C11orf68: variants seen among roughly 807,000 people sequenced by gnomAD.
C11orf68 encodes chromosome 11 open reading frame 68.
C11orf68 carries 3 observed loss-of-function variants against 4.7 expected under a neutral mutation model. The observed-to-expected ratio is 0.64, with a 90% confidence interval of 0.29 to 1.66. The LOEUF (loss-of-function observed/expected upper bound fraction) is 1.66. C11orf68 is among the 40% of genes most tolerant of loss of function. The pLI is 0.10. For synonymous variants in C11orf68, 186 were observed against 167.8 expected (o/e 1.11, Z -0.84); for missense variants, 422 against 408.0 (o/e 1.03, Z -0.30).
At chr11:65,918,338 C>T in intron 1 of C11orf68, 120 bp from the exon 2 acceptor site, 5 of 1,187,486 alleles carry the variant, frequency 4.2e-6, no homozygotes, top group East Asian at 2.7e-5. Flanking sequence ...CTCATCTTTA[C>T]AATGGGATAA....
Position 65,918,208 on chromosome 11 carries a change from G to C in C11orf68, c.133C>G (p.Pro45Ala), listed in dbSNP as rs1195550562. 3 of 1,524,980 alleles carry C rather than the reference G, an allele frequency of 2.0e-6. No individual in the cohort carries two copies. Among genetic ancestry groups the C allele is most frequent in the Non-Finnish European group, 2.6e-6 (3 of 1,139,608 alleles). The allele number at this position is 1,524,980 out of a possible 1,614,324, so 94.5% of individuals were successfully genotyped here. The change falls in exon 2 of 2, where the codon CCA (proline) becomes GCA (alanine). Residue 45 changes from proline to alanine, a missense_variant. Pro to Ala is a conservative substitution (Grantham distance 27, BLOSUM62 -1). Transcript: ENST00000438576. ...CCCTCCTCTTCCAGCTCCTCACCTG[G>C]TTCCATCCTGCTGTGAGGGAACCGA... ...ERSEGRSRME[P>A]GEELEEEGSP...
rs1406577649 is a variant in C11orf68 at position 65,917,501 on chromosome 11, G to C, written c.840C>G (p.Gly280=). The change falls in exon 2 of 2, where the codon GGC becomes GGG. Residue 280 remains glycine, a synonymous_variant. Coordinates refer to ENST00000438576, the MANE Select transcript of C11orf68 (RefSeq NM_001135635.2). ...SRFQLGGSAR[G]SRVLDRANNV... is the part of the protein sequence containing the mutation. ...TGTTGGCACGGTCAAGCACTCGGGA[G>C]CCACGGGCACTACCCCCAAGCTGGA... 1 of 1,613,838 alleles carries C rather than the reference G, an allele frequency of 6.2e-7. No homozygotes were observed. Among genetic ancestry groups the C allele is most frequent in the East Asian group, 2.2e-5 (1 of 44,876 alleles).
At position 65,918,978 on chromosome 11, in the gene C11orf68, G is replaced by A; in HGVS notation, c.54C>T (p.Gly18=). 2 of 1,177,056 alleles carry A rather than the reference G, an allele frequency of 1.7e-6. No individual in the cohort carries two copies. The highest frequency in any genetic ancestry group is 2.1e-6 in the Non-Finnish European group (2 of 955,768). 72.9% of individuals were successfully genotyped at this position (1,177,056 alleles called of 1,614,324 possible). The part of the protein sequence containing the change: ...AVAGVGRGGG[G]AEPRQERSRA... ...GGCTCCGCTCCTGCCGTGGCTCCGCGCCACCGCCACCGCGCCCCACCCCCG... is the reference window on the plus strand; with the variant it reads ...GGCTCCGCTCCTGCCGTGGCTCCGCACCACCGCCACCGCGCCCCACCCCCG... Residue 18 remains glycine, a synonymous_variant, in exon 1 of 2, where the codon GGC becomes GGT. Transcript: ENST00000438576.
chr11:65,918,316 C>G (rs1854489725), intron 1 of C11orf68, 98 bp from the exon 2 acceptor site: 1 of 1,336,686 alleles, frequency 7.5e-7, no homozygotes, highest in Non-Finnish European at 9.8e-7. Flanking sequence ...ACTGTCGATG[C>G]GCCTCAGTTG....
chr11:65,917,562 C>T lies in C11orf68; in HGVS notation c.779G>A (p.Arg260His), dbSNP rs756841686. ...YTYLGIYRAN[R>H]WHLCPTLYES... is the part of the protein sequence containing the mutation. The stretch of plus-strand genomic sequence containing the variant: ...ATAGAGAGTGGGGCAGAGGTGCCAG[C>T]GATTGGCCCGGTAGATGCCCAGGTA... Residue 260 changes from arginine to histidine, a missense_variant, in exon 2 of 2, where the codon CGC becomes CAC. By Grantham distance (29) the Arg-to-His change is conservative (BLOSUM62 0). Coordinates refer to ENST00000438576, the MANE Select transcript of C11orf68 (RefSeq NM_001135635.2). 1.9e-6 allele frequency: 3 copies of T among 1,614,064 alleles called. No individual in the cohort carries two copies. Among genetic ancestry groups the T allele is most frequent in the Non-Finnish European group, 1.7e-6 (2 of 1,180,024 alleles).
chr11:65,918,882 C>G (rs1266404355), intron 1 of C11orf68, 28 bp downstream of exon 1: 15 of 1,240,722 alleles, frequency 1.2e-5, no homozygotes, highest in Non-Finnish European at 1.5e-5. Context: ...CCCGGCCCTG[C>G]CCTGCCCCTC....
At chr11:65,918,321 C>T in intron 1 of C11orf68, 103 bp from the exon 2 acceptor site, 3 of 1,305,772 alleles carry the variant, frequency 2.3e-6, no homozygotes, top group Non-Finnish European at 3.0e-6. Context: ...CGATGCGCCT[C>T]AGTTGCCTCA....
intron 1 of C11orf68, 40 bp downstream of exon 1, chr11:65,918,870 G>GC: frequency 8.4e-7 from 1 of 1,188,540 alleles, no homozygotes; most frequent in Non-Finnish European, 1.0e-6. Flanking sequence ...CTGTGCTCCC[G>GC]CCCCGGCCCT....
chr11:65,917,550 C>G lies in C11orf68; in HGVS notation c.791G>C (p.Cys264Ser). The G allele has an allele frequency of 6.2e-7, 1 of 1,614,102 alleles. No individual in the cohort carries two copies. The change falls in exon 2 of 2, where the codon TGC (cysteine) becomes TCC (serine). Residue 264 changes from cysteine (C) to serine (S), a missense_variant. Coordinates refer to ENST00000438576, the MANE Select transcript of C11orf68 (RefSeq NM_001135635.2). ...GAAACGGCTCTCATAGAGAGTGGGG[C>G]AGAGGTGCCAGCGATTGGCCCGGTA... The part of the protein sequence containing the change: ...GIYRANRWHL[C>S]PTLYESRFQL...
chr11:65,918,148 C>T lies in C11orf68; in HGVS notation c.193G>A (p.Glu65Lys), dbSNP rs781019646. The T allele has an allele frequency of 1.9e-6, 3 of 1,579,086 alleles. No individual in the cohort carries two copies. The highest frequency in any genetic ancestry group is 2.2e-5 in the East Asian group (1 of 44,692). Residue 65 changes from glutamate (E) to lysine (K), a missense_variant, in exon 2 of 2, where the codon GAG becomes AAG. By Grantham distance (56) the Glu-to-Lys change is moderately conservative. Coordinates refer to ENST00000438576, the MANE Select transcript of C11orf68 (RefSeq NM_001135635.2). ...PGGREDGFTA[E>K]HLAAEAMAAD... ...GCCATGGCCTCTGCAGCCAGGTGCT[C>T]GGCGGTGAAGCCATCCTCACGGCCA... is the stretch of plus-strand genomic sequence containing the variant.
Position 65,918,945 on chromosome 11 carries a change from C to T in C11orf68, c.87G>A (p.Arg29=). The T allele has an allele frequency of 8.0e-7, 1 of 1,246,122 alleles. No homozygotes were observed. The highest frequency in any genetic ancestry group is 2.0e-5 in the South Asian group (1 of 48,876). 77.2% of individuals were successfully genotyped at this position (1,246,122 alleles called of 1,614,324 possible). The change falls in exon 1 of 2, where the codon CGG becomes CGA. Residue 29 remains arginine, a synonymous_variant. Coordinates refer to ENST00000438576, the MANE Select transcript of C11orf68 (RefSeq NM_001135635.2). ...AEPRQERSRA[R]GWAGVERSEG... ...CGCTGCGTTCGACGCCGGCCCAGCC[C>T]CGGGCCCGGCTCCGCTCCTGCCGTG... is the stretch of plus-strand genomic sequence containing the variant.
In C11orf68 at chr11:65,917,571, C is replaced by T. The variant is rs745344773; in HGVS notation, c.770G>A (p.Arg257Gln). 39 of 1,613,992 alleles carry T rather than the reference C, an allele frequency of 2.4e-5. No homozygotes were observed. Among genetic ancestry groups the T allele is most frequent in the African/African-American group, 4.0e-5 (3 of 74,918 alleles). Reference sequence around the variant, plus strand: ...GGGGCAGAGGTGCCAGCGATTGGCCCGGTAGATGCCCAGGTAGGTGTAGAC... The same window carrying T: ...GGGGCAGAGGTGCCAGCGATTGGCCTGGTAGATGCCCAGGTAGGTGTAGAC... ...PDVYTYLGIY[R>Q]ANRWHLCPTL... Residue 257 changes from arginine to glutamine, a missense_variant, in exon 2 of 2, where the codon CGG (arginine) becomes CAG (glutamine). Arg to Gln is a conservative substitution (Grantham distance 43). Coordinates refer to ENST00000438576, the MANE Select transcript of C11orf68 (RefSeq NM_001135635.2).
Position 65,917,919 on chromosome 11 carries a change from G to C in C11orf68, c.422C>G (p.Ala141Gly), listed in dbSNP as rs775627350. The C allele has an allele frequency of 1.2e-6, 2 of 1,608,584 alleles. No individual in the cohort carries two copies. Among genetic ancestry groups the C allele is most frequent in the Non-Finnish European group, 1.7e-6 (2 of 1,179,970 alleles). ...NSGDVQGLQA[A>G]WEALQTSGRP... ...CCCACTGGTCTGCAGAGCTTCCCAG[G>C]CTGCCTGCAGGCCCTGCACGTCCCC... is the stretch of plus-strand genomic sequence containing the variant. The change falls in exon 2 of 2, where the codon GCC becomes GGC. Residue 141 changes from alanine (A) to glycine (G), a missense_variant. Coordinates refer to ENST00000438576, the MANE Select transcript of C11orf68 (RefSeq NM_001135635.2).
At position 65,918,020 on chromosome 11, in the gene C11orf68, A is replaced by G; in HGVS notation, c.321T>C (p.Tyr107=). ...AKYPPSQVTR[Y]GDPGSPNSEP... ...CTGAGTTGGGTGAACCGGGGTCCCCATAGCGGGTAACTTGGGATGGTGGGT... is the reference window on the plus strand; with the variant it reads ...CTGAGTTGGGTGAACCGGGGTCCCCGTAGCGGGTAACTTGGGATGGTGGGT... Residue 107 remains tyrosine (Y), a synonymous_variant, in exon 2 of 2, where the codon TAT becomes TAC. Coordinates refer to ENST00000438576, the MANE Select transcript of C11orf68 (RefSeq NM_001135635.2). 6.2e-7 allele frequency: 1 copy of G among 1,607,064 alleles called. No homozygotes were observed.
rs551517220 is a variant in C11orf68, at chr11:65,917,861, G to C, written c.480C>G (p.Leu160=). The C allele has an allele frequency of 6.2e-7, 1 of 1,611,412 alleles. No individual in the cohort carries two copies. The highest frequency in any genetic ancestry group is 8.5e-7 in the Non-Finnish European group (1 of 1,179,972). The change falls in exon 2 of 2, where the codon CTC becomes CTG. Residue 160 remains leucine, a synonymous_variant. Transcript: ENST00000438576. ...CCGAGAGCACGTGGTGGGTGATGGC[G>C]AGCTGGCGCAGGGTACCCGGTGTGA... is the stretch of plus-strand genomic sequence containing the variant. ...RPITPGTLRQ[L]AITHHVLSGK... is the part of the protein sequence containing the mutation.
Position 65,918,049 on chromosome 11 carries a change from T to C in C11orf68, c.292A>G (p.Lys98Glu). Residue 98 changes from lysine (K) to glutamate (E), a missense_variant, in exon 2 of 2, where the codon AAG (lysine) becomes GAG (glutamate). Coordinates refer to ENST00000438576, the MANE Select transcript of C11orf68 (RefSeq NM_001135635.2). ...PATELDAWLAKYPPSQVTRYG... is the reference protein window; with the variant it reads ...PATELDAWLAEYPPSQVTRYG... Reference sequence around the variant, plus strand: ...CGGGTAACTTGGGATGGTGGGTACTTGGCCAGCCAGGCATCCAGCTCAGTG... The same window carrying C: ...CGGGTAACTTGGGATGGTGGGTACTCGGCCAGCCAGGCATCCAGCTCAGTG... The C allele has an allele frequency of 6.2e-7, 1 of 1,609,300 alleles. No homozygotes were observed. Among genetic ancestry groups the C allele is most frequent in the Non-Finnish European group, 8.5e-7 (1 of 1,177,742 alleles).
rs1176729165 is a variant in C11orf68, at chr11:65,917,724, G to T, written c.617C>A (p.Ala206Asp). The change falls in exon 2 of 2, where the codon GCC (alanine) becomes GAC (aspartate). Residue 206 changes from alanine to aspartate, a missense_variant. Transcript: ENST00000438576. ...GATGACCTGGCGCCCACCCTCCTTG[G>T]CACGTGGGCTCACCTTGGCCACCTG... ...QLQVAKVSPR[A>D]KEGGRQVICV... is the part of the protein sequence containing the mutation. 1 of 1,613,604 alleles carries T rather than the reference G, an allele frequency of 6.2e-7. No homozygotes were observed. Among genetic ancestry groups the T allele is most frequent in the African/African-American group, 1.3e-5 (1 of 74,944 alleles).
chr11:65,917,294 G>T lies in C11orf68; in HGVS notation c.*165C>A. 1.1e-6 allele frequency: 1 copy of T among 883,330 alleles called. No homozygotes were observed. The highest frequency in any genetic ancestry group is 1.7e-6 in the Non-Finnish European group (1 of 571,904). The allele number at this position is 883,330 out of a possible 1,614,324, so 54.7% of individuals were successfully genotyped here. A position where few individuals can be genotyped will look rare whatever the true frequency, so the allele number is the denominator to read the frequency against. On this transcript the variant is annotated 3_prime_UTR_variant, in exon 2 of 2. Transcript: ENST00000438576. ...AGCCTGTGGGGCTTGTGTCAGCCCT[G>T]AACAGAGGGCAGAAGTTCAAGGGGA...
rs1854467456 is a variant in C11orf68 at position 65,917,091 on chromosome 11, T to C, written c.*368A>G. On this transcript the variant is annotated 3_prime_UTR_variant, in exon 2 of 2. Transcript: ENST00000438576. ...TGGAAGCACTAAGTTTTCTCTCTCC[T>C]GAGGGGGAAGGAAAGAAGGGGAGAT... is the stretch of plus-strand genomic sequence containing the variant. The C allele has an allele frequency of 1.3e-5, 3 of 224,964 alleles. No individual in the cohort carries two copies. The South Asian group carries it at 2.5e-4, about 19-fold the overall frequency. 13.9% of individuals were successfully genotyped at this position (224,964 alleles called of 1,614,324 possible).
Sources: allele counts gnomAD v4.1 joint callset, GRCh38; gene constraint gnomAD v4.1.1; transcripts MANE v1.5; gene names NCBI Gene and HGNC (gene_info 2026-07-23, HGNC 2026-07-21).